CUL2: variants seen among roughly 807,000 people sequenced by gnomAD.
CUL2 encodes cullin 2.
Under a neutral mutation model 110.2 loss-of-function variants are expected in CUL2, and 22 were observed. The observed-to-expected ratio is 0.20, with a 90% CI of 0.14 to 0.28. CUL2 has a LOEUF of 0.28. Among genes scored for constraint, CUL2 ranks in the 10% least tolerant of loss-of-function variants. The pLI is 1.00. For synonymous variants in CUL2, 279 were observed against 293.2 expected (o/e 0.95, Z 0.49); for missense variants, 631 against 905.5 (o/e 0.70, Z 3.89).
chr10:35,084,329 C>T (rs142567889), intron 1 of CUL2, among the ~76,000 whole-genome samples: 174 of 152,248 alleles, frequency 1.1e-3, no homozygotes, highest in Non-Finnish European at 1.5e-3. Context: ...TCCAGAATAA[C>T]AAAGCTTAAA....
intron 1 of CUL2, among the ~76,000 whole-genome samples, chr10:35,113,997 T>G (rs2135134425): frequency 6.6e-6 from 1 of 151,608 alleles, no homozygotes; most frequent in East Asian, 1.9e-4. Flanking sequence ...AAGCTCCATC[T>G]CCTGGATTCA....
At chr10:35,075,339 A>C (rs891957804) in intron 1 of CUL2, among the ~76,000 whole-genome samples, 1 of 152,206 alleles carries the variant, frequency 6.6e-6, no homozygotes, top group Non-Finnish European at 1.5e-5. Context: ...ACATTCAGGG[A>C]AAGTTTACAC....
intron 1 of CUL2, among the ~76,000 whole-genome samples, chr10:35,125,903 C>G (rs1288385018): frequency 6.6e-6 from 1 of 152,184 alleles, no homozygotes. Flanking sequence ...GATCTCAGCT[C>G]ACTGCAGCCT....
At chr10:35,126,960 A>C (rs973296361), upstream of CUL2, 67 of 151,148 alleles carry the variant, frequency 4.4e-4, no homozygotes, top group African/African-American at 1.6e-3. Flanking sequence ...GGGGGAGGGG[A>C]GGACGGGGCG....
At chr10:35,094,301 T>G (rs2135093465), upstream of CUL2, among the ~76,000 whole-genome samples, 1 of 152,114 alleles carries the variant, frequency 6.6e-6, no homozygotes, top group African/African-American at 2.4e-5. Context: ...AATGGTGCGA[T>G]CTTGGCTCAC....
chr10:35,071,910 T>C (rs1236789502), intron 1 of CUL2, among the ~76,000 whole-genome samples: 2 of 152,134 alleles, frequency 1.3e-5, no homozygotes, highest in East Asian at 3.8e-4. Context: ...AAGGGTATAG[T>C]TTCAAAGATT....
At chr10:35,089,470 G>A (rs1017978967) in intron 1 of CUL2, among the ~76,000 whole-genome samples, 1 of 152,140 alleles carries the variant, frequency 6.6e-6, no homozygotes, top group African/African-American at 2.4e-5. Flanking sequence ...AATCTATAGC[G>A]AACGTTAATA....
intron 1 of CUL2, among the ~76,000 whole-genome samples, chr10:35,083,318 AAC>A (rs1264527806): frequency 1.3e-5 from 2 of 152,216 alleles, no homozygotes; most frequent in Non-Finnish European, 2.9e-5. Context: ...TGAATACACA[AAC>A]ACACATATAC....
Position 35,029,533 on chromosome 10 carries a change from G to A in CUL2, c.1494C>T (p.Asp498=), listed in dbSNP as rs752035128. The change falls in exon 15 of 21, where the codon GAC becomes GAT. Residue 498 remains aspartate, a synonymous_variant. Transcript: ENST00000374749. The stretch of plus-strand genomic sequence containing the variant: ...AACTAATTCCCAAATCTATTACTGT[G>A]TCTTGGTTTTTGATAAAATTGTTGA... The part of the protein sequence containing the change: ...NKFNNFIKNQ[D]TVIDLGISFQ... 19 of 1,584,562 alleles carry A rather than the reference G, an allele frequency of 1.2e-5. No homozygotes were observed. Among genetic ancestry groups the A allele is most frequent in the Non-Finnish European group, 5.1e-6 (6 of 1,166,976 alleles).
chr10:35,063,185 A>G (rs1202411180), intron 2 of CUL2, 123 bp from the exon 3 acceptor site: 2 of 596,572 alleles, frequency 3.4e-6, no homozygotes, highest in Non-Finnish European at 5.9e-6. Flanking sequence ...TATAATATAC[A>G]TAATACTGTT....
At chr10:35,068,468 T>C (rs903770663) in intron 2 of CUL2, among the ~76,000 whole-genome samples, 8 of 152,048 alleles carry the variant, frequency 5.3e-5, no homozygotes, top group Non-Finnish European at 1.2e-4. Context: ...AAAATCAAGA[T>C]AGTAGTTAGC....
chr10:35,043,890 A>G (rs1428897747), intron 8 of CUL2, among the ~76,000 whole-genome samples: 1 of 151,904 alleles, frequency 6.6e-6, no homozygotes, highest in Non-Finnish European at 1.5e-5. Context: ...CAACACAGCA[A>G]GACCCCATCT....
chr10:35,071,589 T>C (rs1256078555), intron 1 of CUL2, among the ~76,000 whole-genome samples: 2 of 152,134 alleles, frequency 1.3e-5, no homozygotes, highest in Admixed American at 1.3e-4. Flanking sequence ...TATTTTTTTT[T>C]AGTAGAGACG....
chr10:35,027,175 C>T (rs868533108), intron 16 of CUL2, among the ~76,000 whole-genome samples: 76 of 144,266 alleles, frequency 5.3e-4, no homozygotes, highest in Admixed American at 1.3e-3. Context: ...GGCGGAGTCT[C>T]GCTCTATCAC....
intron 2 of CUL2, among the ~76,000 whole-genome samples, chr10:35,068,797 C>G (rs2086604613): frequency 6.6e-6 from 1 of 152,096 alleles, no homozygotes; most frequent in Non-Finnish European, 1.5e-5. Context: ...CAGAAGTGAA[C>G]TTTATATTCT....
At chr10:35,119,829 T>C (rs1041298247) in intron 1 of CUL2, among the ~76,000 whole-genome samples, 4 of 152,144 alleles carry the variant, frequency 2.6e-5, no homozygotes, top group Non-Finnish European at 5.9e-5. Flanking sequence ...TTCGGCCTCC[T>C]ACCTCAACCT....
chr10:35,027,781 G>A (rs1274639403), intron 16 of CUL2, among the ~76,000 whole-genome samples: 2 of 152,074 alleles, frequency 1.3e-5, no homozygotes, highest in Non-Finnish European at 2.9e-5. Flanking sequence ...ACTGGTAATT[G>A]GAGACAATTC....
chr10:35,013,927 T>C (rs997484549), intron 18 of CUL2, 127 bp from the exon 19 acceptor site: 42 of 581,162 alleles, frequency 7.2e-5, no homozygotes, highest in Non-Finnish European at 1.0e-4. Flanking sequence ...TTTTATATTA[T>C]AGATTACCAA....
chr10:35,076,028 T>C (rs971978329), intron 1 of CUL2, among the ~76,000 whole-genome samples: 5 of 152,142 alleles, frequency 3.3e-5, no homozygotes, highest in African/African-American at 1.2e-4. Context: ...ATAGCTCAAG[T>C]GTCTATCAAC....
Sources: allele counts gnomAD v4.1 joint callset (sites outside exome capture counted in the v4.1 genomes callset), GRCh38; gene constraint gnomAD v4.1.1; transcripts MANE v1.5; gene names NCBI Gene and HGNC (gene_info 2026-07-23, HGNC 2026-07-21).